Variants in RPL28 observed in about 807,000 individuals in gnomAD.
The protein encoded by RPL28 is large ribosomal subunit protein eL28.
Under a neutral mutation model 12.5 loss-of-function variants are expected in RPL28, and 4 were observed. That is an observed-to-expected ratio of 0.32 (90% CI 0.16 to 0.73). RPL28 has a LOEUF of 0.73. RPL28 is among the 30% of genes least tolerant of loss of function. The pLI is 0.66. For synonymous variants in RPL28, 91 were observed against 72.5 expected (o/e 1.26, Z -1.30); for missense variants, 214 against 197.7 (o/e 1.08, Z -0.49).
chr19:55,392,352 C>T (rs2123291119), downstream of RPL28, among the ~76,000 whole-genome samples: 1 of 151,854 alleles, frequency 6.6e-6, no homozygotes, highest in Non-Finnish European at 1.5e-5. Context: ...CCGCCTTAGC[C>T]CCTTGTGTAG....
intron 4 of RPL28, chr19:55,401,294 CTTTA>C: frequency 3.3e-6 from 3 of 916,842 alleles, no homozygotes; most frequent in East Asian, 5.3e-5. Context: ...GCTTTTCCAA[CTTTA>C]TTTAGAAAAA....
chr19:55,390,287 C>G lies in RPL28; in HGVS notation c.*1955C>G. On this transcript the variant is annotated 3_prime_UTR_variant, in exon 5 of 5. Coordinates refer to ENST00000344063, the MANE Select transcript of RPL28 (RefSeq NM_000991.5). ...TGGCGCGATCTTGGCTCACTGCAGC[C>G]TCCACCTCCTGGGTTCAAGCGATTC... 1.2e-6 allele frequency: 1 copy of G among 816,168 alleles called. No individual in the cohort carries two copies. Among genetic ancestry groups the G allele is most frequent in the South Asian group, 5.6e-5 (1 of 17,950 alleles). The allele number at this position is 816,168 out of a possible 1,614,324, so 50.6% of individuals were successfully genotyped here.
At chr19:55,387,611 C>T (rs908564941) in intron 3 of RPL28, 2 of 1,395,848 alleles carry the variant, frequency 1.4e-6, no homozygotes, top group African/African-American at 1.5e-5. Context: ...ATACCCATTG[C>T]CAGGAGCGTG....
chr19:55,388,896 T>C lies in RPL28; in HGVS notation c.*564T>C. The stretch of plus-strand genomic sequence containing the variant: ...GGGCAACTTGGTGGGTGGTGGCTTA[T>C]AACTGTAAGGGAGATGGCAGCCCCA... On this transcript the variant is annotated 3_prime_UTR_variant, in exon 5 of 5. Coordinates refer to ENST00000344063, the MANE Select transcript of RPL28 (RefSeq NM_000991.5). 1 of 985,758 alleles carries C rather than the reference T, an allele frequency of 1.0e-6. No homozygotes were observed. Among genetic ancestry groups the C allele is most frequent in the Non-Finnish European group, 1.2e-6 (1 of 830,182 alleles). The allele number at this position is 985,758 out of a possible 1,614,324, so 61.1% of individuals were successfully genotyped here. A position where few individuals can be genotyped will look rare whatever the true frequency, so the allele number is the denominator to read the frequency against.
Position 55,391,291 on chromosome 19 carries a change from G to A in RPL28, c.*2959G>A, listed in dbSNP as rs2089987805. On this transcript the variant is annotated 3_prime_UTR_variant, in exon 5 of 5. Coordinates refer to ENST00000344063, the MANE Select transcript of RPL28 (RefSeq NM_000991.5). ...CTCTGCCAGTTATGCCCAGCTGTGG[G>A]GACTTGGGCAGCTCGTTTAGTAGCA... The A allele has an allele frequency of 1.9e-6, 1 of 524,538 alleles. No individual in the cohort carries two copies. The highest frequency in any genetic ancestry group is 2.8e-6 in the Non-Finnish European group (1 of 361,366). 32.5% of individuals were successfully genotyped at this position (524,538 alleles called of 1,614,324 possible).
At chr19:55,386,109 A>C (rs964756863) in intron 1 of RPL28, 144 bp downstream of exon 1, 31 of 519,128 alleles carry the variant, frequency 6.0e-5, no homozygotes, top group African/African-American at 3.8e-4. Flanking sequence ...TGAATTTTCA[A>C]GTTATTTTCC....
Position 55,389,967 on chromosome 19 carries a change from G to A in RPL28, c.*1635G>A. On this transcript the variant is annotated 3_prime_UTR_variant, in exon 5 of 5. Transcript: ENST00000344063. ...CTGCGCTGGGACTCCGCCTTCATAAGGAGAGCTCACTGCTCACGTTAGTAG... is the reference window on the plus strand; with the variant it reads ...CTGCGCTGGGACTCCGCCTTCATAAAGAGAGCTCACTGCTCACGTTAGTAG... The A allele has an allele frequency of 2.0e-6, 2 of 985,526 alleles. No individual in the cohort carries two copies. The highest frequency in any genetic ancestry group is 2.4e-6 in the Non-Finnish European group (2 of 829,998). The allele number at this position is 985,526 out of a possible 1,614,324, so 61.0% of individuals were successfully genotyped here.
In RPL28 at chr19:55,390,188, G is replaced by A. The variant is rs1321761920; in HGVS notation, c.*1856G>A. The A allele has an allele frequency of 2.0e-5, 20 of 985,376 alleles. No individual in the cohort carries two copies. Among genetic ancestry groups the A allele is most frequent in the East Asian group, 1.1e-4 (1 of 8,826 alleles). The allele number at this position is 985,376 out of a possible 1,614,324, so 61.0% of individuals were successfully genotyped here. A position where few individuals can be genotyped will look rare whatever the true frequency, so the allele number is the denominator to read the frequency against. On this transcript the variant is annotated 3_prime_UTR_variant, in exon 5 of 5. Transcript: ENST00000344063. ...GCATATTGAATGTATAAAGCCCACC[G>A]GTCCTGAGAGTTTGCTCACTGGAGA...
rs981244851 is a variant in RPL28, at chr19:55,389,560, A to G, written c.*1228A>G. On this transcript the variant is annotated 3_prime_UTR_variant, in exon 5 of 5. Transcript: ENST00000344063. The stretch of plus-strand genomic sequence containing the variant: ...TCTGACTGAGAGTAAGGGGACTGTC[A>G]GGGCCTCGACTTGCCATTGGTTGGG... The G allele has an allele frequency of 2.0e-6, 2 of 985,440 alleles. No homozygotes were observed. Among genetic ancestry groups the G allele is most frequent in the Non-Finnish European group, 2.4e-6 (2 of 829,948 alleles). The allele number at this position is 985,440 out of a possible 1,614,324, so 61.0% of individuals were successfully genotyped here.
rs569025602 is a variant in RPL28 at position 55,389,246 on chromosome 19, G to T, written c.*914G>T. On this transcript the variant is annotated 3_prime_UTR_variant, in exon 5 of 5. Coordinates refer to ENST00000344063, the MANE Select transcript of RPL28 (RefSeq NM_000991.5). ...CCGCCTGTGGTCCCAGCTCCTCAGA[G>T]GTTGAGTAGAGGCTGAGGTGAGCGG... 4.4e-6 allele frequency: 4 copies of T among 913,078 alleles called. No homozygotes were observed. The highest frequency in any genetic ancestry group is 5.2e-6 in the Non-Finnish European group (4 of 763,964). 56.6% of individuals were successfully genotyped at this position (913,078 alleles called of 1,614,324 possible). A position where few individuals can be genotyped will look rare whatever the true frequency, so the allele number is the denominator to read the frequency against.
chr19:55,386,625 G>A lies in RPL28; in HGVS notation c.137G>A (p.Arg46His). The A allele has an allele frequency of 1.2e-6, 2 of 1,614,060 alleles. No individual in the cohort carries two copies. Among genetic ancestry groups the A allele is most frequent in the Admixed American group, 3.3e-5 (2 of 60,030 alleles). Residue 46 changes from arginine (R) to histidine (H), a missense_variant, in exon 3 of 5, where the codon CGC (arginine) becomes CAC (histidine). Arg to His is a conservative substitution (Grantham distance 29, BLOSUM62 0). Transcript: ENST00000344063. ...TTCCGCTACAACGGACTGATTCACC[G>A]CAAGACTGTGGGCGTGGAGCCGGCA... ...NSFRYNGLIHRKTVGVEPAAD... is the reference protein window; with the variant it reads ...NSFRYNGLIHHKTVGVEPAAD...
chr19:55,396,834 C>T (rs1426568644), downstream of RPL28, among the ~76,000 whole-genome samples: 1 of 151,696 alleles, frequency 6.6e-6, no homozygotes, highest in Non-Finnish European at 1.5e-5. Context: ...CCCGCCTTGG[C>T]CTCCCAAAGT....
chr19:55,392,498 G>A (rs1445106860), downstream of RPL28, among the ~76,000 whole-genome samples: 4 of 151,584 alleles, frequency 2.6e-5, no homozygotes, highest in Non-Finnish European at 5.9e-5. Flanking sequence ...CCCCCAAAGT[G>A]TTGGGATTAC....
At chr19:55,399,094 C>T (rs1219375198) in intron 4 of RPL28, among the ~76,000 whole-genome samples, 1 of 151,650 alleles carries the variant, frequency 6.6e-6, no homozygotes, top group Non-Finnish European at 1.5e-5. Context: ...CTCAAGTGAC[C>T]CTCACACTTC....
chr19:55,397,357 C>A (rs1385355797), intron 4 of RPL28, among the ~76,000 whole-genome samples: 1 of 152,132 alleles, frequency 6.6e-6, no homozygotes, highest in Non-Finnish European at 1.5e-5. Context: ...AAGCATGTTT[C>A]TGCTGTTTGT....
rs1600304113 is a variant in RPL28, at chr19:55,388,646, C to T, written c.*314C>T. On this transcript the variant is annotated 3_prime_UTR_variant, in exon 5 of 5. Coordinates refer to ENST00000344063, the MANE Select transcript of RPL28 (RefSeq NM_000991.5). ...AGAATCCCAGCTGGGGCAGTGGCTT[C>T]CATTCAGAAGAAGAAAGGCCTTTTC... The T allele has an allele frequency of 1.7e-6, 2 of 1,173,302 alleles. No individual in the cohort carries two copies. The highest frequency in any genetic ancestry group is 2.1e-6 in the Non-Finnish European group (2 of 950,846). The allele number at this position is 1,173,302 out of a possible 1,614,324, so 72.7% of individuals were successfully genotyped here. A position where few individuals can be genotyped will look rare whatever the true frequency, so the allele number is the denominator to read the frequency against.
At position 55,388,453 on chromosome 19, in the gene RPL28, A is replaced by G. The variant is rs564771746; in HGVS notation, c.*121A>G. ...GTGTTGTCATTCAGGCCATGTCATC[A>G]AAACTCTGCATGTCACCTTGTCCAT... On this transcript the variant is annotated 3_prime_UTR_variant, in exon 5 of 5. Coordinates refer to ENST00000344063, the MANE Select transcript of RPL28 (RefSeq NM_000991.5). The G allele has an allele frequency of 1.5e-6, 2 of 1,354,770 alleles. No homozygotes were observed. Among genetic ancestry groups the G allele is most frequent in the African/African-American group, 3.0e-5 (2 of 66,506 alleles). The allele number at this position is 1,354,770 out of a possible 1,614,324, so 83.9% of individuals were successfully genotyped here. A position where few individuals can be genotyped will look rare whatever the true frequency, so the allele number is the denominator to read the frequency against.
chr19:55,395,923 C>CA (rs1455253775), downstream of RPL28, among the ~76,000 whole-genome samples: 1 of 152,150 alleles, frequency 6.6e-6, no homozygotes, highest in Non-Finnish European at 1.5e-5. Context: ...TTGCCCCCGG[C>CA]TTCCTTACAT....
intron 3 of RPL28, 83 bp from the exon 4 acceptor site, chr19:55,387,847 T>C (rs1041504832): frequency 1.7e-5 from 26 of 1,493,166 alleles, no homozygotes; most frequent in Middle Eastern, 5.1e-4. Context: ...AGCTTCTCAA[T>C]GTGAGACTGT....
Sources: gnomAD v4.1 joint callset for allele counts (sites outside exome capture counted in the v4.1 genomes callset) on GRCh38, gnomAD v4.1.1 for gene constraint, MANE v1.5 for transcripts, NCBI Gene and HGNC (gene_info 2026-07-23, HGNC 2026-07-21) for gene names.